Variants in SPOCK2 observed in about 807,000 individuals in gnomAD.
SPOCK2 encodes testican-2.
In SPOCK2, 39 loss-of-function variants were observed where a neutral mutation model predicts 60.1. The ratio of observed to expected loss-of-function variants is 0.65; its 90% confidence interval spans 0.50 to 0.85. The LOEUF (loss-of-function observed/expected upper bound fraction) is 0.85. SPOCK2 is among the 40% of genes least tolerant of loss of function. The probability of loss-of-function intolerance (pLI) is 0.00; values close to 1 mark genes in which losing one functional copy is unlikely to be tolerated. For synonymous variants in SPOCK2, 217 were observed against 231.5 expected (o/e 0.94, Z 0.57); for missense variants, 523 against 567.4 (o/e 0.92, Z 0.80).
intron 1 of SPOCK2, among the ~76,000 whole-genome samples, chr10:72,073,740 G>A (rs558246813): frequency 1.3e-5 from 2 of 152,356 alleles, no homozygotes; most frequent in Non-Finnish European, 2.9e-5. Context: ...CCAGCTGCAG[G>A]GGCCTCTCAG....
rs1368057378 is a variant in SPOCK2 at position 72,088,415 on chromosome 10, C to A, written c.-87G>T. ...CACCCCGCTGCTGGCGAAGCGCACG[C>A]GGCTGTCCTCAGCTCTCCTCCCGCG... On this transcript the variant is annotated 5_prime_UTR_variant, in exon 1 of 11. Coordinates refer to ENST00000373109, the MANE Select transcript of SPOCK2 (RefSeq NM_001244950.2). 1.4e-6 allele frequency: 2 copies of A among 1,410,740 alleles called. No homozygotes were observed. Among genetic ancestry groups the A allele is most frequent in the East Asian group, 5.1e-5 (2 of 39,228 alleles). The allele number at this position is 1,410,740 out of a possible 1,614,324, so 87.4% of individuals were successfully genotyped here.
At chr10:72,066,759 G>C in intron 8 of SPOCK2, 143 bp downstream of exon 8, 1 of 847,768 alleles carries the variant, frequency 1.2e-6, no homozygotes, top group Non-Finnish European at 1.8e-6. Flanking sequence ...CCCTAAGGGA[G>C]TGCAGGAAGT....
At position 72,087,229 on chromosome 10, in the gene SPOCK2, C is replaced by T. The variant is rs1381900627; in HGVS notation, c.189+911G>A. 2.0e-5 allele frequency among the ~76,000 whole-genome samples: 3 copies of T among 152,004 alleles called. No homozygotes were observed. The highest frequency in any genetic ancestry group is 7.2e-5 in the African/African-American group (3 of 41,386). On this transcript the variant is annotated intron_variant, in intron 1 of 10. Transcript: ENST00000373109. This position sits in a 1 kb window ranked among gnomAD's most constrained non-coding sequence, Gnocchi z 4.7. Reference sequence around the variant, plus strand: ...AGAGGAAGGAGCCAGCCCCGCCGGGCCGCCGCCTGCGACTTCCCCTCTGAT... The same window carrying T: ...AGAGGAAGGAGCCAGCCCCGCCGGGTCGCCGCCTGCGACTTCCCCTCTGAT...
chr10:72,071,951 C>T (rs1321645069), intron 4 of SPOCK2, among the ~76,000 whole-genome samples, 193 bp downstream of exon 4: 1 of 152,212 alleles, frequency 6.6e-6, no homozygotes, highest in African/African-American at 2.4e-5. Flanking sequence ...AGAGCCAGAA[C>T]CATCTAAGAG....
At chr10:72,068,930 C>G (rs1564547046) in intron 5 of SPOCK2, 1 of 152,378 alleles carries the variant, frequency 6.6e-6, no homozygotes, top group African/African-American at 2.4e-5. Flanking sequence ...TCACAGCGCT[C>G]GACAACATTA....
At position 72,088,158 on chromosome 10, in the gene SPOCK2, G is replaced by A. The variant is rs1840889226; in HGVS notation, c.171C>T (p.His57=). The change falls in exon 1 of 11, where the codon CAC becomes CAT. Residue 57 remains histidine (H), a synonymous_variant. Transcript: ENST00000373109. ...SISQYSGKIK[H]WNRFRDEVED... is the part of the protein sequence containing the mutation. ...GACTCACGTCTCGGAAGCGGTTCCA[G>A]TGCTTGATCTTGCCGCTGTACTGCG... is the stretch of plus-strand genomic sequence containing the variant. 6.2e-7 allele frequency: 1 copy of A among 1,612,852 alleles called. No individual in the cohort carries two copies. Among genetic ancestry groups the A allele is most frequent in the African/African-American group, 1.3e-5 (1 of 74,884 alleles).
In SPOCK2 at chr10:72,077,451, C is replaced by T. The variant is rs544596336; in HGVS notation, c.190-4541G>A. ...TTCCCCAAGGAGCTTTTTAAACCTT[C>T]CAGCACGCACATGCTACCTGAGACC... is the stretch of plus-strand genomic sequence containing the variant. On this transcript the variant is annotated intron_variant, in intron 1 of 10. Coordinates refer to ENST00000373109, the MANE Select transcript of SPOCK2 (RefSeq NM_001244950.2). Among the ~76,000 whole-genome samples, 5 of 152,280 alleles carry T rather than the reference C, an allele frequency of 3.3e-5. No homozygotes were observed. The East Asian group carries it at 9.7e-4, about 29-fold the overall frequency.
rs745316037 is a variant in SPOCK2 at position 72,072,487 on chromosome 10, G to A, written c.244+16C>T. ...CACGTGTCAGTCACCTTCCCCCGCC[G>A]GGAGAGTCATGTTACCTTCATCTCC... is the stretch of plus-strand genomic sequence containing the variant. On this transcript the variant is annotated intron_variant, in intron 3 of 10. Coordinates refer to ENST00000373109, the MANE Select transcript of SPOCK2 (RefSeq NM_001244950.2). The A allele has an allele frequency of 1.4e-5, 22 of 1,613,788 alleles. No individual in the cohort carries two copies. Among genetic ancestry groups the A allele is most frequent in the South Asian group, 5.5e-5 (5 of 91,042 alleles).
chr10:72,082,050 G>A (rs553740661), intron 1 of SPOCK2, among the ~76,000 whole-genome samples: 115 of 152,340 alleles, frequency 7.5e-4, no homozygotes, highest in Middle Eastern at 6.8e-3. Flanking sequence ...AGGGGATCAC[G>A]ATGGGAGGAA....
intron 1 of SPOCK2, among the ~76,000 whole-genome samples, chr10:72,076,057 C>T (rs985915771): frequency 4.6e-5 from 7 of 152,072 alleles, no homozygotes; most frequent in Non-Finnish European, 7.4e-5. Context: ...ACTGCAAGTG[C>T]GGAAAATGAG....
At chr10:72,064,104 G>T (rs559394037) in intron 9 of SPOCK2, 74 bp downstream of exon 9, 111 of 1,555,088 alleles carry the variant, frequency 7.1e-5, no homozygotes, top group Non-Finnish European at 9.6e-5. Flanking sequence ...CCCAAGGCTG[G>T]AGGCCCTGGG....
Position 72,062,715 on chromosome 10 carries a change from A to G in SPOCK2, c.*45T>C. ...CTCGAAGTTGCCTGCTGCTGCTCAG[A>G]GCTCTGCTGTTGAGTCCCCCCCGGC... On this transcript the variant is annotated 3_prime_UTR_variant, in exon 11 of 11. Transcript: ENST00000373109. This position sits in a 1 kb window ranked among gnomAD's most constrained non-coding sequence, Gnocchi z 4.3. The G allele has an allele frequency of 1.3e-6, 2 of 1,570,638 alleles. No homozygotes were observed. The highest frequency in any genetic ancestry group is 1.7e-6 in the Non-Finnish European group (2 of 1,166,846).
intron 1 of SPOCK2, among the ~76,000 whole-genome samples, chr10:72,085,110 A>C (rs1320474315): frequency 6.6e-6 from 1 of 152,196 alleles, no homozygotes; most frequent in East Asian, 1.9e-4. Flanking sequence ...TCTAGGCCCT[A>C]GATGCTTTGT....
chr10:72,065,592 G>C (rs1203385129), intron 8 of SPOCK2, among the ~76,000 whole-genome samples: 1 of 152,248 alleles, frequency 6.6e-6, no homozygotes, highest in Non-Finnish European at 1.5e-5. Context: ...CCTCTAACTT[G>C]TCTGCGACCT....
chr10:72,064,730 T>A (rs1840544657), intron 8 of SPOCK2, among the ~76,000 whole-genome samples: 1 of 152,170 alleles, frequency 6.6e-6, no homozygotes, highest in Non-Finnish European at 1.5e-5. Context: ...TTTTTTATTT[T>A]TTATTTATTT....
chr10:72,083,795 T>C (rs955786768), intron 1 of SPOCK2, among the ~76,000 whole-genome samples: 1 of 152,166 alleles, frequency 6.6e-6, no homozygotes, highest in Non-Finnish European at 1.5e-5. Flanking sequence ...TGTTGTTATA[T>C]GTTTTGTTTT....
intron 1 of SPOCK2, among the ~76,000 whole-genome samples, chr10:72,073,144 G>A (rs1004269403): frequency 2.0e-5 from 3 of 152,168 alleles, no homozygotes; most frequent in African/African-American, 7.2e-5. Context: ...GAGTAGCAGG[G>A]GCCCGTGGCT....
In SPOCK2 at chr10:72,070,426, C is replaced by T. The variant is rs1564547554; in HGVS notation, c.360G>A (p.Arg120=). 1.2e-6 allele frequency: 2 copies of T among 1,614,024 alleles called. No homozygotes were observed. The highest frequency in any genetic ancestry group is 1.7e-6 in the Non-Finnish European group (2 of 1,179,918). ...GGAGTTTCACGGTCGGCTGCTTGAT[C>T]CTACAGGAGAGGGTGGGGGGCACAC... ...MCISRKKLEH[R]IKQPTVKLHG... Residue 120 remains arginine (R), a splice_region_variant and synonymous_variant, in exon 5 of 11, where the codon AGG becomes AGA. Transcript: ENST00000373109.
chr10:72,082,116 A>G (rs1305296006), intron 1 of SPOCK2, among the ~76,000 whole-genome samples: 1 of 152,238 alleles, frequency 6.6e-6, no homozygotes, highest in East Asian at 1.9e-4. Context: ...TACAGCCCGC[A>G]GTGTAAGTGA....
Sources: gnomAD v4.1 joint callset for allele counts (sites outside exome capture counted in the v4.1 genomes callset) on GRCh38, gnomAD v4.1.1 for gene constraint, Gnocchi (gnomAD v3.1) non-coding constraint, MANE v1.5 for transcripts, NCBI Gene and HGNC (gene_info 2026-07-23, HGNC 2026-07-21) for gene names.